PSD2: variants seen among roughly 807,000 people sequenced by gnomAD.
PSD2 encodes the protein pleckstrin and Sec7 domain containing 2, also known as PH and SEC7 domain-containing protein 2.
PSD2 carries 38 observed loss-of-function variants against 69.8 expected under a neutral mutation model. The observed-to-expected ratio is 0.54, with a 90% CI of 0.42 to 0.71. The LOEUF is 0.71. PSD2 is among the 30% of genes least tolerant of loss of function. The pLI, the probability that PSD2 is intolerant of heterozygous loss-of-function variation, is 0.00. For synonymous variants in PSD2, 412 were observed against 423.0 expected, an observed-to-expected ratio of 0.97 and a Z score of 0.32; for missense variants, 943 against 1,014.5, an observed-to-expected ratio of 0.93 and a Z score of 0.96.
At chr5:139,792,066 A>T (rs1462909083), upstream of PSD2, among the ~76,000 whole-genome samples, 4 of 150,788 alleles carry the variant, frequency 2.7e-5, no homozygotes. Flanking sequence ...TTGAGGGGGA[A>T]TGAGTGTGGG....
Position 139,833,768 on chromosome 5 carries a change from G to C in PSD2, c.1336G>C (p.Asp446His), listed in dbSNP as rs1316473299. The change falls in exon 8 of 15, where the codon GAC (aspartate) becomes CAC (histidine). Residue 446 changes from aspartate (D) to histidine (H), a missense_variant. By Grantham distance (81) the Asp-to-His change is moderately conservative (BLOSUM62 -1). This residue lies in a region of PSD2 where 312 missense variants were observed against 400.7 expected (regional missense o/e 0.78). Transcript: ENST00000274710. ...CTTGGACCAGCTGAATGATGGCCAA[G>C]ACTTTGCCAAAGACCTGCTGAAGGT... ...ANLDQLNDGQ[D>H]FAKDLLKTLY... 6.2e-7 allele frequency: 1 copy of C among 1,613,954 alleles called. No homozygotes were observed. Among genetic ancestry groups the C allele is most frequent in the East Asian group, 2.2e-5 (1 of 44,878 alleles).
the PSD2 span, among the ~76,000 whole-genome samples, chr5:139,782,604 T>A: frequency 1.3e-5 from 2 of 151,208 alleles, no homozygotes. Flanking sequence ...GCAATTCTCC[T>A]GCCTCAGCCT....
the PSD2 span, among the ~76,000 whole-genome samples, chr5:139,776,302 C>T: frequency 6.6e-6 from 1 of 152,234 alleles, no homozygotes; most frequent in Non-Finnish European, 1.5e-5. Context: ...CCCTAAAAAA[C>T]CCAGCAGCCT....
chr5:139,802,233 T>A (rs1759691522), intron 1 of PSD2, among the ~76,000 whole-genome samples: 1 of 148,932 alleles, frequency 6.7e-6, no homozygotes, highest in Non-Finnish European at 1.5e-5. Flanking sequence ...AGGAGAGGAG[T>A]TGGGGGGCCT....
chr5:139,817,535 G>C lies in PSD2; in HGVS notation c.1071G>C (p.Ser357=), dbSNP rs139242669. 6.2e-6 allele frequency: 10 copies of C among 1,614,160 alleles called. No homozygotes were observed. The Admixed American group carries it at 6.7e-5, about 11-fold the overall frequency. Residue 357 remains serine, a synonymous_variant, in exon 5 of 15, where the codon TCG becomes TCC. Coordinates refer to ENST00000274710, the MANE Select transcript of PSD2 (RefSeq NM_032289.4). ...AGTACCTCAGTTTCTTCGACTTCTC[G>C]GGCTTGACTCTGGACGGAGCACTCA... ...AGEYLSFFDF[S]GLTLDGALRT... is the part of the protein sequence containing the mutation.
chr5:139,771,238 G>A, the PSD2 span, among the ~76,000 whole-genome samples: 4 of 152,234 alleles, frequency 2.6e-5, no homozygotes, highest in Non-Finnish European at 5.9e-5. Context: ...CTCTATTTTA[G>A]GGTGAGGAAT....
intron 12 of PSD2, 23 bp from the exon 13 acceptor site, chr5:139,838,605 C>T (rs1269874040): frequency 6.2e-7 from 1 of 1,604,632 alleles, no homozygotes; most frequent in Admixed American, 1.7e-5. Flanking sequence ...GAGGCCGGCA[C>T]CCTCTCCCCC....
At chr5:139,812,888 C>T (rs1760007272) in intron 2 of PSD2, among the ~76,000 whole-genome samples, 1 of 152,152 alleles carries the variant, frequency 6.6e-6, no homozygotes, top group Non-Finnish European at 1.5e-5. Flanking sequence ...ATCTGATGCC[C>T]ACTAGTTCTC....
At chr5:139,829,362 A>G (rs1311652530) in intron 7 of PSD2, among the ~76,000 whole-genome samples, 1 of 152,190 alleles carries the variant, frequency 6.6e-6, no homozygotes, top group Non-Finnish European at 1.5e-5. Context: ...TACCATTTTA[A>G]CTATTTTAAA....
At chr5:139,832,630 T>G (rs1177480506) in intron 7 of PSD2, among the ~76,000 whole-genome samples, 1 of 152,236 alleles carries the variant, frequency 6.6e-6, no homozygotes, top group African/African-American at 2.4e-5. Context: ...TATGAAATCT[T>G]TTTTTGAGAG....
chr5:139,842,195 G>A (rs1760885426), intron 14 of PSD2, 76 bp from the exon 15 acceptor site: 4 of 1,213,804 alleles, frequency 3.3e-6, no homozygotes, highest in Admixed American at 1.9e-5. Context: ...AAGGAAATTA[G>A]TCTTTTGTCA....
chr5:139,814,204 G>T lies in PSD2; in HGVS notation c.856G>T (p.Asp286Tyr). 1 of 1,613,820 alleles carries T rather than the reference G, an allele frequency of 6.2e-7. No individual in the cohort carries two copies. The highest frequency in any genetic ancestry group is 1.1e-5 in the South Asian group (1 of 91,018). Residue 286 changes from aspartate to tyrosine, a missense_variant, in exon 4 of 15, where the codon GAC becomes TAC. By Grantham distance (160) the Asp-to-Tyr change is radical. Around this residue, in one of 3 missense-constraint regions of PSD2, gnomAD observed 466 missense variants for 445.0 expected, o/e 1.05. Transcript: ENST00000274710. This position sits in a 1 kb window ranked among gnomAD's most constrained non-coding sequence, Gnocchi z 4.4. Reference sequence around the variant, plus strand: ...CCTGAAGGATGGCCTGTCAGACTCAGACTCTGAGCTCAGCAGCTCGGAGGG... The same window carrying T: ...CCTGAAGGATGGCCTGTCAGACTCATACTCTGAGCTCAGCAGCTCGGAGGG... ...PSLKDGLSDS[D>Y]SELSSSEGLE...
chr5:139,842,770 G>T lies in PSD2; in HGVS notation c.*296G>T, dbSNP rs1760908295. On this transcript the variant is annotated 3_prime_UTR_variant, in exon 15 of 15. Coordinates refer to ENST00000274710, the MANE Select transcript of PSD2 (RefSeq NM_032289.4). ...CTCTAGACACCACCTCGCTGGAGAA[G>T]CTGGAAGGGCTGTTGTCTTCCCAGG... The T allele has an allele frequency of 1.2e-5, 4 of 326,132 alleles. No homozygotes were observed. The South Asian group carries it at 2.7e-4, about 22-fold the overall frequency. 20.2% of individuals were successfully genotyped at this position (326,132 alleles called of 1,614,324 possible).
chr5:139,765,756 C>G, the PSD2 span, among the ~76,000 whole-genome samples: 1 of 152,182 alleles, frequency 6.6e-6, no homozygotes, highest in Non-Finnish European at 1.5e-5. Context: ...GGTGCGGCTG[C>G]GTTCCGGGGG....
At chr5:139,806,277 G>A (rs1340577565) in intron 1 of PSD2, among the ~76,000 whole-genome samples, 1 of 152,254 alleles carries the variant, frequency 6.6e-6, no homozygotes, top group Admixed American at 6.5e-5. Context: ...TTGCCAGCAG[G>A]GCTGGAGGTG....
At chr5:139,835,845 C>A (rs547682251) in intron 9 of PSD2, 79 bp downstream of exon 9, 2 of 1,360,116 alleles carry the variant, frequency 1.5e-6, no homozygotes, top group Non-Finnish European at 2.1e-6. Flanking sequence ...GTCCGACATT[C>A]TGACCACTCT....
At chr5:139,789,146 T>C in the PSD2 span, among the ~76,000 whole-genome samples, 1 of 152,230 alleles carries the variant, frequency 6.6e-6, no homozygotes, top group Admixed American at 6.5e-5. Flanking sequence ...CGTTTGTCCC[T>C]GGCCACTCAC....
At chr5:139,783,027 T>C in the PSD2 span, among the ~76,000 whole-genome samples, 2 of 152,208 alleles carry the variant, frequency 1.3e-5, no homozygotes, top group Admixed American at 6.5e-5. Context: ...CAGCCTCTGG[T>C]CATGTCTATC....
intron 1 of PSD2, among the ~76,000 whole-genome samples, chr5:139,796,497 A>T (rs112415815): frequency 0.016 from 2,451 of 152,304 alleles, 69 homozygotes; most frequent in African/African-American, 0.053. Context: ...CTTGGCGGCC[A>T]GGCCTCCCCG....
Sources: allele counts gnomAD v4.1 joint callset (sites outside exome capture counted in the v4.1 genomes callset), GRCh38; gene constraint gnomAD v4.1.1; regional missense constraint gnomAD v4.1.1; non-coding constraint Gnocchi (gnomAD v3.1); transcripts MANE v1.5; gene names NCBI Gene and HGNC (gene_info 2026-07-23, HGNC 2026-07-21).